GPR21: variants seen among roughly 807,000 people sequenced by gnomAD.
The protein encoded by GPR21 is probable G protein-coupled receptor 21.
Under a neutral mutation model 21.5 loss-of-function variants are expected in GPR21, and 9 were observed. That is an observed-to-expected ratio of 0.42 (90% confidence interval 0.25 to 0.73). The LOEUF is 0.73. Among genes scored for constraint, GPR21 ranks in the 30% least tolerant of loss-of-function variants. The probability of loss-of-function intolerance (pLI) is 0.27; values close to 1 mark genes in which losing one functional copy is unlikely to be tolerated. For missense variants in GPR21, 416 were observed against 428.9 expected (o/e 0.97, Z 0.27); for synonymous variants, 169 against 159.3 (o/e 1.06, Z -0.46).
chr9:123,044,050 A>G, the GPR21 span, among the ~76,000 whole-genome samples: 1 of 151,418 alleles, frequency 6.6e-6, no homozygotes, highest in East Asian at 1.9e-4. Context: ...ACAGGCGCCC[A>G]CCACCATGCA....
At chr9:123,047,510 A>G in the GPR21 span, among the ~76,000 whole-genome samples, 2 of 152,174 alleles carry the variant, frequency 1.3e-5, no homozygotes, top group African/African-American at 4.8e-5. Context: ...CTATGTGCTG[A>G]TAAGTTTTAA....
chr9:123,047,316 G>A, the GPR21 span, among the ~76,000 whole-genome samples: 3 of 152,144 alleles, frequency 2.0e-5, no homozygotes, highest in Non-Finnish European at 2.9e-5. Context: ...TAATTGTACT[G>A]CTAGTGAGTT....
At chr9:123,047,918 GGTTTTTTTTTTTTTT>G in the GPR21 span, among the ~76,000 whole-genome samples, 1 of 108,474 alleles carries the variant, frequency 9.2e-6, no homozygotes, top group African/African-American at 3.1e-5. Flanking sequence ...ACAGCTGCTG[GGTTTTTTTTTTTTTT>G]TTTTTTTTTT....
chr9:123,045,424 G>A, the GPR21 span, among the ~76,000 whole-genome samples: 1 of 152,102 alleles, frequency 6.6e-6, no homozygotes, highest in Non-Finnish European at 1.5e-5. Context: ...TTCGTGGTAT[G>A]TATTCGTAGG....
chr9:123,035,958 G>A (rs2032635081), downstream of GPR21, among the ~76,000 whole-genome samples: 1 of 152,130 alleles, frequency 6.6e-6, no homozygotes, highest in African/African-American at 2.4e-5. Context: ...GAACCTGAGT[G>A]TGAAAAGCGT....
At chr9:123,044,626 CGTGTGT>C in the GPR21 span, among the ~76,000 whole-genome samples, 36 of 149,066 alleles carry the variant, frequency 2.4e-4, no homozygotes, top group South Asian at 1.9e-3. Context: ...AACACACGTA[CGTGTGT>C]GTGTGTGTGT....
the GPR21 span, among the ~76,000 whole-genome samples, chr9:123,044,693 A>G: frequency 6.6e-6 from 1 of 151,992 alleles, no homozygotes; most frequent in African/African-American, 2.4e-5. Flanking sequence ...GTACATGAGT[A>G]TAATACAAGA....
chr9:123,048,218 C>A, the GPR21 span, among the ~76,000 whole-genome samples: 1 of 152,090 alleles, frequency 6.6e-6, no homozygotes, highest in African/African-American at 2.4e-5. Flanking sequence ...GGATTACAGG[C>A]GTGAGCCATC....
Position 123,034,878 on chromosome 9 carries a change from A to G in GPR21, c.312A>G (p.Ile104Met), listed in dbSNP as rs777652437. The change falls in exon 2 of 2, where the codon ATA becomes ATG. Residue 104 changes from isoleucine to methionine, a missense_variant. Transcript: ENST00000616002. Reference sequence around the variant, plus strand: ...TAGAGGAGTCCTTGACTTGCCAGATATTTGGTTTTGTAGTATCAGTTCTGA... The same window carrying G: ...TAGAGGAGTCCTTGACTTGCCAGATGTTTGGTTTTGTAGTATCAGTTCTGA... ...LPVEESLTCQ[I>M]FGFVVSVLKS... 1.1e-5 allele frequency: 18 copies of G among 1,613,858 alleles called. No individual in the cohort carries two copies. Among genetic ancestry groups the G allele is most frequent in the Non-Finnish European group, 1.5e-5 (18 of 1,179,876 alleles).
the GPR21 span, among the ~76,000 whole-genome samples, chr9:123,044,626 C>CGT: frequency 0.085 from 12,694 of 149,018 alleles, 572 homozygotes; most frequent in South Asian, 0.13. Flanking sequence ...AACACACGTA[C>CGT]GTGTGTGTGT....
In GPR21 at chr9:123,034,444, G is replaced by A. The variant is rs1438175110; in HGVS notation, c.-123G>A. On this transcript the variant is annotated 5_prime_UTR_variant, in exon 2 of 2. Transcript: ENST00000616002. Reference sequence around the variant, plus strand: ...AGCAGCAGCATCAGGAGCTTGGGGAGTAAGGCTCCTCTGGCATTATTACAC... The same window carrying A: ...AGCAGCAGCATCAGGAGCTTGGGGAATAAGGCTCCTCTGGCATTATTACAC... 1.0e-5 allele frequency: 7 copies of A among 673,550 alleles called. No individual in the cohort carries two copies. Among genetic ancestry groups the A allele is most frequent in the Non-Finnish European group, 1.6e-5 (6 of 382,550 alleles). 41.7% of individuals were successfully genotyped at this position (673,550 alleles called of 1,614,324 possible). A position where few individuals can be genotyped will look rare whatever the true frequency, so the allele number is the denominator to read the frequency against.
chr9:123,041,382 T>C, the GPR21 span, among the ~76,000 whole-genome samples: 1 of 152,344 alleles, frequency 6.6e-6, no homozygotes, highest in East Asian at 1.9e-4. Flanking sequence ...TGAATTTTCC[T>C]ATTTTATAGG....
chr9:123,040,718 C>T, the GPR21 span, among the ~76,000 whole-genome samples: 4 of 151,846 alleles, frequency 2.6e-5, no homozygotes, highest in African/African-American at 7.3e-5. Context: ...TTGAGGGAGC[C>T]GCTCATCTTA....
At chr9:123,045,983 A>G in the GPR21 span, among the ~76,000 whole-genome samples, 2 of 152,242 alleles carry the variant, frequency 1.3e-5, no homozygotes, top group East Asian at 3.8e-4. Flanking sequence ...CAGGTCCTGC[A>G]AATTGGCACA....
At chr9:123,035,756 C>T (rs2032620402), downstream of GPR21, 1 of 582,122 alleles carries the variant, frequency 1.7e-6, no homozygotes, top group African/African-American at 1.9e-5. Context: ...CAATAGCATA[C>T]AAATTATTCG....
the GPR21 span, among the ~76,000 whole-genome samples, chr9:123,042,041 T>C: frequency 1.3e-5 from 2 of 152,120 alleles, no homozygotes; most frequent in Non-Finnish European, 2.9e-5. Context: ...GCTGAACCAC[T>C]CTAGATGCCA....
the GPR21 span, among the ~76,000 whole-genome samples, chr9:123,043,900 CTTTTT>C: frequency 2.3e-5 from 3 of 129,402 alleles, no homozygotes; most frequent in Non-Finnish European, 5.0e-5. Context: ...GTATTATTTT[CTTTTT>C]TTTTTTTTTT....
At chr9:123,042,026 G>A in the GPR21 span, among the ~76,000 whole-genome samples, 4 of 152,146 alleles carry the variant, frequency 2.6e-5, no homozygotes, top group Non-Finnish European at 4.4e-5. Flanking sequence ...TTACTCTTTG[G>A]AAAAGCTGAA....
chr9:123,042,969 A>G, the GPR21 span, among the ~76,000 whole-genome samples: 10 of 152,164 alleles, frequency 6.6e-5, no homozygotes, highest in Non-Finnish European at 1.5e-4. Context: ...TAGGGATTTG[A>G]GTAGCAGAGG....
Sources: allele counts gnomAD v4.1 joint callset (sites outside exome capture counted in the v4.1 genomes callset), GRCh38; gene constraint gnomAD v4.1.1; transcripts MANE v1.5; gene names NCBI Gene and HGNC (gene_info 2026-07-23, HGNC 2026-07-21).